Variants in TCTN1 observed in about 807,000 individuals in gnomAD.
TCTN1 encodes tectonic-1.
TCTN1 carries 58 observed loss-of-function variants against 65.8 expected under a neutral mutation model. The ratio of observed to expected loss-of-function variants is 0.88; its 90% confidence interval spans 0.71 to 1.10. The LOEUF is 1.10. Ranked by LOEUF, TCTN1 falls within the 50% of genes least tolerant of loss-of-function variation. TCTN1 has a pLI of 0.00. For synonymous variants in TCTN1, 273 were observed against 289.1 expected (o/e 0.94, Z 0.57); for missense variants, 645 against 719.4 (o/e 0.90, Z 1.18).
chr12:110,626,807 G>GCT (rs1202915621), intron 3 of TCTN1, among the ~76,000 whole-genome samples: 1 of 95,364 alleles, frequency 1.0e-5, no homozygotes, highest in African/African-American at 4.2e-5. Flanking sequence ...TTTCGCTCTT[G>GCT]TTGCCCAGGC....
At chr12:110,631,715 C>T (rs2066249415) in intron 4 of TCTN1, among the ~76,000 whole-genome samples, 1 of 152,172 alleles carries the variant, frequency 6.6e-6, no homozygotes, top group Non-Finnish European at 1.5e-5. Flanking sequence ...GACATGTTTC[C>T]AGTTTTTGCT....
chr12:110,619,819 C>T lies in TCTN1; in HGVS notation c.221-17C>T, dbSNP rs2065290667. 1.2e-6 allele frequency: 2 copies of T among 1,613,912 alleles called. No homozygotes were observed. The highest frequency in any genetic ancestry group is 1.7e-6 in the Non-Finnish European group (2 of 1,179,982). On this transcript the variant is annotated splice_polypyrimidine_tract_variant and intron_variant, in intron 1 of 14. Coordinates refer to ENST00000397659, the MANE Select transcript of TCTN1 (RefSeq NM_001082538.3). The stretch of plus-strand genomic sequence containing the variant: ...CTGATGGTGATGTTCTGGATCCTAC[C>T]CCTCTTTTTTCTGCAGTTGCTGTTC...
intron 4 of TCTN1, among the ~76,000 whole-genome samples, chr12:110,630,711 A>G (rs925339508): frequency 5.3e-5 from 8 of 152,236 alleles, no homozygotes; most frequent in African/African-American, 1.9e-4. Context: ...GGTGTTGTAT[A>G]GAAGTGGGAT....
chr12:110,615,905 C>T (rs1031116533), intron 1 of TCTN1, among the ~76,000 whole-genome samples: 1 of 152,188 alleles, frequency 6.6e-6, no homozygotes, highest in African/African-American at 2.4e-5. Context: ...CTTTATTTCT[C>T]CAAAAGCTCT....
intron 4 of TCTN1, chr12:110,630,320 T>A (rs1413326262): frequency 6.6e-6 from 1 of 152,252 alleles, no homozygotes; most frequent in East Asian, 1.9e-4. Context: ...GAGTTCTTTG[T>A]TCTCCTCAAC....
At chr12:110,628,713 A>G (rs1310158643) in intron 3 of TCTN1, 54 bp from the exon 4 acceptor site, 2 of 1,439,608 alleles carry the variant, frequency 1.4e-6, no homozygotes, top group African/African-American at 1.4e-5. Flanking sequence ...TAGGTCATAC[A>G]TATTATACAT....
intron 2 of TCTN1, among the ~76,000 whole-genome samples, chr12:110,625,368 G>A (rs778477259): frequency 2.0e-5 from 3 of 152,114 alleles, no homozygotes; most frequent in African/African-American, 4.8e-5. Context: ...AGTGAGCCTT[G>A]CATCTTAACC....
intron 10 of TCTN1, 176 bp downstream of exon 10, chr12:110,641,803 G>T: frequency 1.6e-6 from 1 of 626,492 alleles, no homozygotes. Flanking sequence ...CAGCAGGTGG[G>T]CTGGGGGGAG....
chr12:110,617,194 T>C (rs1172056820), intron 1 of TCTN1, among the ~76,000 whole-genome samples: 3 of 152,184 alleles, frequency 2.0e-5, no homozygotes, highest in African/African-American at 7.2e-5. Flanking sequence ...ACTAGGCACA[T>C]AGAAGAGTTC....
intron 5 of TCTN1, chr12:110,634,453 G>T: frequency 1.7e-6 from 1 of 594,204 alleles, no homozygotes; most frequent in Non-Finnish European, 3.1e-6. Context: ...GAGGCGAGAG[G>T]ATCACTTGAG....
Position 110,644,686 on chromosome 12 carries a change from CAAAA to C in TCTN1, c.1332-277_1332-274del, listed in dbSNP as rs1036960851. 6.9e-6 allele frequency: 3 copies of C among 433,136 alleles called. No homozygotes were observed. Among genetic ancestry groups the C allele is most frequent in the South Asian group, 6.4e-5 (3 of 46,810 alleles). The allele number at this position is 433,136 out of a possible 1,614,324, so 26.8% of individuals were successfully genotyped here. ...GAGCAAACTCCATCTCAAAACAAAACAAAAAAACCAAAAATCAAAACTTAAAAAA... is the reference window on the plus strand; with the variant it reads ...GAGCAAACTCCATCTCAAAACAAAACAAACCAAAAATCAAAACTTAAAAAA... On this transcript the variant is annotated intron_variant, in intron 11 of 14. Transcript: ENST00000397659. This position sits in a 1 kb window ranked among gnomAD's most constrained non-coding sequence, Gnocchi z 4.6.
In TCTN1 at chr12:110,641,066, A is replaced by C. The variant is rs1257661387; in HGVS notation, c.1021A>C (p.Lys341Gln). The C allele has an allele frequency of 6.2e-7, 1 of 1,614,162 alleles. No homozygotes were observed. Among genetic ancestry groups the C allele is most frequent in the Non-Finnish European group, 8.5e-7 (1 of 1,180,062 alleles). Residue 341 changes from lysine (K) to glutamine (Q), a missense_variant, in exon 9 of 15, where the codon AAA becomes CAA. Transcript: ENST00000397659. ...ATACACAGATGCAGGTGAAGTCACC[A>C]AAGCTGATCTCTCATTCGTTCTGGG... ...LTYTDAGEVT[K>Q]ADLSFVLGTV...
rs1373270559 is a variant in TCTN1 at position 110,648,688 on chromosome 12, T to A, written c.*2-355T>A. 12 of 216,346 alleles carry A rather than the reference T, an allele frequency of 5.5e-5. No individual in the cohort carries two copies. In the South Asian group the frequency reaches 7.1e-4, roughly 13 times the overall value. 13.4% of individuals were successfully genotyped at this position (216,346 alleles called of 1,614,324 possible). A position where few individuals can be genotyped will look rare whatever the true frequency, so the allele number is the denominator to read the frequency against. On this transcript the variant is annotated intron_variant, in intron 14 of 14. Transcript: ENST00000397659. ...AATTATAGTGGAGTCTTGGGTCTAA[T>A]TGCCATTTCTGCACCAGGCACTGTA...
At chr12:110,615,120 G>C (rs2064944494) in intron 1 of TCTN1, among the ~76,000 whole-genome samples, 2 of 152,136 alleles carry the variant, frequency 1.3e-5, no homozygotes, top group Admixed American at 1.3e-4. Flanking sequence ...GCGAAACCCA[G>C]TCTCTACTAA....
At chr12:110,645,168 C>G in intron 12 of TCTN1, 39 bp downstream of exon 12, 1 of 1,610,914 alleles carries the variant, frequency 6.2e-7, no homozygotes, top group Non-Finnish European at 8.5e-7. Context: ...CTAGTGGTCT[C>G]TGTCTTCCAG....
At chr12:110,621,515 C>T (rs1469630008) in intron 2 of TCTN1, among the ~76,000 whole-genome samples, 3 of 151,656 alleles carry the variant, frequency 2.0e-5, no homozygotes, top group Non-Finnish European at 2.9e-5. Flanking sequence ...CTCTGTTGCC[C>T]AGGCTGGAGT....
chr12:110,645,716 C>T (rs1362118021), intron 12 of TCTN1: 1 of 158,852 alleles, frequency 6.3e-6, no homozygotes, highest in Non-Finnish European at 1.4e-5. Context: ...ACACATGATG[C>T]TTCTGCCCAC....
chr12:110,624,183 A>G (rs755752274), intron 2 of TCTN1, among the ~76,000 whole-genome samples: 6 of 149,972 alleles, frequency 4.0e-5, no homozygotes, highest in Non-Finnish European at 7.4e-5. Flanking sequence ...TGGCCTCCCA[A>G]AGTACTGGCA....
At chr12:110,625,862 T>G (rs1362360034) in intron 2 of TCTN1, 1 of 152,298 alleles carries the variant, frequency 6.6e-6, no homozygotes, top group Non-Finnish European at 1.4e-5. Context: ...CAAGCGATGT[T>G]CGTGCCTCAG....
Sources: gnomAD v4.1 joint callset for allele counts (sites outside exome capture counted in the v4.1 genomes callset) on GRCh38, gnomAD v4.1.1 for gene constraint, Gnocchi (gnomAD v3.1) non-coding constraint, MANE v1.5 for transcripts, NCBI Gene and HGNC (gene_info 2026-07-23, HGNC 2026-07-21) for gene names.